Variants in MSI2 observed in about 807,000 individuals in gnomAD.
MSI2 encodes RNA-binding protein Musashi homolog 2.
Under a neutral mutation model 45.6 loss-of-function variants are expected in MSI2, and 17 were observed. That is an observed-to-expected ratio of 0.37 (90% CI 0.26 to 0.56). The LOEUF (loss-of-function observed/expected upper bound fraction) is 0.56. Among genes scored for constraint, MSI2 ranks in the 20% least tolerant of loss-of-function variants. MSI2 has a pLI of 0.77. For missense variants in MSI2, 293 were observed against 444.2 expected (o/e 0.66, Z 3.06); for synonymous variants, 156 against 158.2 (o/e 0.99, Z 0.11).
chr17:57,615,826 C>G lies in MSI2; in HGVS notation c.538-144C>G, dbSNP rs1242636879. ...CGTGTTTTCTTAAGTATTTATTTTG[C>G]AGGCCATTTACTCGGCATGGCTATT... On this transcript the variant is annotated intron_variant, in intron 8 of 13. Transcript: ENST00000284073. The G allele has an allele frequency of 6.5e-6, 4 of 612,204 alleles. No individual in the cohort carries two copies. The East Asian group carries it at 1.2e-4, about 18-fold the overall frequency. The allele number at this position is 612,204 out of a possible 1,614,324, so 37.9% of individuals were successfully genotyped here.
At chr17:57,378,845 C>T (rs1239574038) in intron 5 of MSI2, among the ~76,000 whole-genome samples, 2 of 152,190 alleles carry the variant, frequency 1.3e-5, no homozygotes, top group South Asian at 2.1e-4. Flanking sequence ...AATTATCCCT[C>T]TGTGACTCTG....
intron 6 of MSI2, among the ~76,000 whole-genome samples, chr17:57,416,397 A>C (rs2084295011): frequency 6.6e-6 from 1 of 152,226 alleles, no homozygotes; most frequent in East Asian, 1.9e-4. Context: ...TATTTCTTGC[A>C]TATGACTTGA....
chr17:57,409,312 A>T (rs2084144118), intron 6 of MSI2, among the ~76,000 whole-genome samples: 2 of 152,168 alleles, frequency 1.3e-5, no homozygotes, highest in African/African-American at 4.8e-5. Flanking sequence ...ACCTGGGTGT[A>T]CTTGAGTGGA....
chr17:57,539,310 ACTT>A (rs1449907270), intron 7 of MSI2, among the ~76,000 whole-genome samples: 1 of 150,796 alleles, frequency 6.6e-6, no homozygotes, highest in Non-Finnish European at 1.5e-5. Flanking sequence ...CTATTCATTT[ACTT>A]CTTTAGTGTG....
intron 6 of MSI2, among the ~76,000 whole-genome samples, chr17:57,515,580 TG>T (rs1364255117): frequency 1.3e-5 from 2 of 152,168 alleles, no homozygotes; most frequent in Non-Finnish European, 2.9e-5. Context: ...CGCTTATTTT[TG>T]TATTAATCCC....
chr17:57,592,172 CAAA>C (rs746051998), intron 7 of MSI2, among the ~76,000 whole-genome samples: 3 of 81,748 alleles, frequency 3.7e-5, no homozygotes, highest in Non-Finnish European at 2.6e-5. Flanking sequence ...ACTCTGTCTC[CAAA>C]AAAAAAAAAA....
At chr17:57,641,763 G>T (rs1910280125) in intron 10 of MSI2, among the ~76,000 whole-genome samples, 1 of 152,184 alleles carries the variant, frequency 6.6e-6, no homozygotes, top group Non-Finnish European at 1.5e-5. Context: ...CCTTCACTTT[G>T]AAGGTCTCAG....
intron 5 of MSI2, among the ~76,000 whole-genome samples, chr17:57,356,875 A>G (rs1445059588): frequency 6.6e-6 from 1 of 152,132 alleles, no homozygotes; most frequent in African/African-American, 2.4e-5. Context: ...GAAAAAAAAA[A>G]TTAAACAGGT....
intron 4 of MSI2, among the ~76,000 whole-genome samples, chr17:57,259,171 T>C (rs1164171808): frequency 6.6e-6 from 1 of 152,166 alleles, no homozygotes; most frequent in East Asian, 1.9e-4. Flanking sequence ...CTCTCCTCCC[T>C]TCCCTTTATG....
At chr17:57,457,352 G>A (rs184944143) in intron 6 of MSI2, among the ~76,000 whole-genome samples, 8 of 152,270 alleles carry the variant, frequency 5.3e-5, no homozygotes, top group Non-Finnish European at 1.0e-4. Flanking sequence ...CTCCATGGCC[G>A]TACATGTGGC....
intron 11 of MSI2, among the ~76,000 whole-genome samples, chr17:57,668,491 G>T (rs1912538801): frequency 6.6e-6 from 1 of 152,120 alleles, no homozygotes; most frequent in Non-Finnish European, 1.5e-5. Context: ...AACCTCAGTG[G>T]TCTGAATCAG....
intron 6 of MSI2, among the ~76,000 whole-genome samples, chr17:57,425,325 AAGAC>A (rs1027793592): frequency 6.6e-6 from 1 of 152,200 alleles, no homozygotes; most frequent in African/African-American, 2.4e-5. Flanking sequence ...TAAAAACGAA[AAGAC>A]ATACTAGAAA....
intron 5 of MSI2, among the ~76,000 whole-genome samples, chr17:57,318,180 AGAAGGTGAGAAGGTGG>A (rs1014575413): frequency 9.1e-5 from 13 of 143,426 alleles, no homozygotes; most frequent in Non-Finnish European, 1.4e-4. Flanking sequence ...GTGGAAGGTG[AGAAGGTGAGAAGGTGG>A]GAAGGTGGGA....
At chr17:57,649,869 G>A (rs1910997902) in intron 10 of MSI2, among the ~76,000 whole-genome samples, 1 of 152,214 alleles carries the variant, frequency 6.6e-6, no homozygotes, top group Non-Finnish European at 1.5e-5. Context: ...TTTTGGCAAG[G>A]CCCTGGTGTT....
At chr17:57,626,990 A>T (rs763049285) in intron 9 of MSI2, 6 of 589,792 alleles carry the variant, frequency 1.0e-5, no homozygotes, top group Non-Finnish European at 1.8e-5. Flanking sequence ...AGGAAAGTAC[A>T]TGGGCTTTGC....
intron 8 of MSI2, among the ~76,000 whole-genome samples, chr17:57,615,102 G>A (rs1200110523): frequency 1.3e-5 from 2 of 151,486 alleles, no homozygotes; most frequent in African/African-American, 4.8e-5. Flanking sequence ...GTTGGGGAGG[G>A]CTTTCAGCAT....
intron 6 of MSI2, among the ~76,000 whole-genome samples, chr17:57,517,031 G>C (rs2086483003): frequency 6.6e-6 from 1 of 152,242 alleles, no homozygotes; most frequent in Non-Finnish European, 1.5e-5. Flanking sequence ...TCAGCCTGTT[G>C]CTGCACTTGA....
rs1443203445 is a variant in MSI2, at chr17:57,681,951, C to T, written c.*2434C>T. On this transcript the variant is annotated 3_prime_UTR_variant, in exon 14 of 14. Coordinates refer to ENST00000284073, the MANE Select transcript of MSI2 (RefSeq NM_138962.4). ...TTCCTTTTCTCTGCATCCCCCATCA[C>T]CTCATAGAAGACTCTTTGTTGATCA... 1 of 212,396 alleles carries T rather than the reference C, an allele frequency of 4.7e-6. No individual in the cohort carries two copies. The highest frequency in any genetic ancestry group is 9.5e-6 in the Non-Finnish European group (1 of 105,032). The allele number at this position is 212,396 out of a possible 1,614,324, so 13.2% of individuals were successfully genotyped here.
At chr17:57,318,698 A>G (rs1352825407) in intron 5 of MSI2, among the ~76,000 whole-genome samples, 1 of 152,174 alleles carries the variant, frequency 6.6e-6, no homozygotes, top group East Asian at 1.9e-4. Flanking sequence ...ATAGAAGCAC[A>G]TACAGCACGT....
Sources: gnomAD v4.1 joint callset for allele counts (sites outside exome capture counted in the v4.1 genomes callset) on GRCh38, gnomAD v4.1.1 for gene constraint, MANE v1.5 for transcripts, NCBI Gene and HGNC (gene_info 2026-07-23, HGNC 2026-07-21) for gene names.